Variants in MAMDC2 observed in about 807,000 individuals in gnomAD.
MAMDC2 encodes MAM domain containing 2.
MAMDC2 carries 57 observed loss-of-function variants against 89.8 expected under a neutral mutation model. The ratio of observed to expected loss-of-function variants is 0.63; its 90% CI spans 0.51 to 0.79. The LOEUF (loss-of-function observed/expected upper bound fraction) is 0.79. Among genes scored for constraint, MAMDC2 ranks in the 30% least tolerant of loss-of-function variants. The pLI is 0.00. For missense variants in MAMDC2, 800 were observed against 820.6 expected (o/e 0.97, Z 0.31); for synonymous variants, 313 against 293.4 (o/e 1.07, Z -0.68).
Position 70,108,268 on chromosome 9 carries a change from T to C in MAMDC2, c.206T>C (p.Leu69Pro). ...FGKQGEKAVL[L>P]SPDLQAEEWS... ...AAGCAGGGGGAGAAAGCTGTGCTGC[T>C]AAGTCCTGACTTACAGGCTGAGGAA... The change falls in exon 3 of 14, where the codon CTA becomes CCA. Residue 69 changes from leucine to proline, a missense_variant. By Grantham distance (98) the Leu-to-Pro change is moderately conservative. Coordinates refer to ENST00000377182, the MANE Select transcript of MAMDC2 (RefSeq NM_153267.5). 6.2e-7 allele frequency: 1 copy of C among 1,613,728 alleles called. No individual in the cohort carries two copies. Among genetic ancestry groups the C allele is most frequent in the Non-Finnish European group, 8.5e-7 (1 of 1,179,816 alleles).
At chr9:70,052,100 CACTA>C (rs897276779) in intron 2 of MAMDC2, among the ~76,000 whole-genome samples, 2 of 152,188 alleles carry the variant, frequency 1.3e-5, no homozygotes, top group African/African-American at 2.4e-5. Flanking sequence ...AAACAACACA[CACTA>C]ACAGACTCCC....
intron 13 of MAMDC2, 26 bp from the exon 14 acceptor site, chr9:70,225,942 T>C: frequency 6.7e-7 from 1 of 1,503,196 alleles, no homozygotes; most frequent in Non-Finnish European, 9.2e-7. Context: ...AAAATACTGT[T>C]ATTGTATATT....
chr9:70,067,400 A>G (rs1204214075), intron 2 of MAMDC2, among the ~76,000 whole-genome samples: 1 of 152,160 alleles, frequency 6.6e-6, no homozygotes, highest in Non-Finnish European at 1.5e-5. Flanking sequence ...AGATATTGTC[A>G]GGATACTCTT....
rs369595003 is a variant in MAMDC2 at position 70,061,924 on chromosome 9, T to C, written c.148+17227T>C. ...CAGGTGGACTAAAACCCTTGGCCTT[T>C]CCTGTTGTCCATCTGACCATGAAGA... On this transcript the variant is annotated intron_variant, in intron 2 of 13. Coordinates refer to ENST00000377182, the MANE Select transcript of MAMDC2 (RefSeq NM_153267.5). Among the ~76,000 whole-genome samples the C allele has an allele frequency of 9.2e-5, 14 of 152,322 alleles. No individual in the cohort carries two copies. In the East Asian group the frequency reaches 1.9e-3, roughly 21 times the overall value.
intron 2 of MAMDC2, among the ~76,000 whole-genome samples, chr9:70,048,967 A>T (rs1160518188): frequency 1.3e-5 from 2 of 152,234 alleles, no homozygotes; most frequent in East Asian, 3.8e-4. Context: ...CCCCTTAATT[A>T]GGAGTTTGGA....
rs185688486 is a variant in MAMDC2 at position 70,214,970 on chromosome 9, G to A, written c.1652-3367G>A. Among the ~76,000 whole-genome samples, 160 of 152,328 alleles carry A rather than the reference G, an allele frequency of 1.1e-3. 1 individual carries two copies. Among genetic ancestry groups the A allele is most frequent in the East Asian group, 3.9e-4 (2 of 5,186 alleles). The stretch of plus-strand genomic sequence containing the variant: ...GATGTCCATTAGACAGTTTGAACAA[G>A]TCTAGATTTCAGCAAAAAGGTTGAA... On this transcript the variant is annotated intron_variant, in intron 11 of 13. Coordinates refer to ENST00000377182, the MANE Select transcript of MAMDC2 (RefSeq NM_153267.5).
chr9:70,133,693 A>G (rs1587501394), intron 7 of MAMDC2, among the ~76,000 whole-genome samples: 1 of 152,344 alleles, frequency 6.6e-6, no homozygotes, highest in East Asian at 1.9e-4. Flanking sequence ...TTCCACATCT[A>G]TAGCAAAGAC....
At position 70,143,781 on chromosome 9, in the gene MAMDC2, C is replaced by T; in HGVS notation, c.1366C>T (p.Gln456Ter). The T allele has an allele frequency of 6.2e-7, 1 of 1,614,162 alleles. No individual in the cohort carries two copies. Among genetic ancestry groups the T allele is most frequent in the Non-Finnish European group, 8.5e-7 (1 of 1,180,008 alleles). The change falls in exon 9 of 14, where the codon CAA (glutamine) becomes TAA (stop). Residue 456 changes from glutamine to a stop codon, truncating the protein, a stop_gained. Transcript: ENST00000377182. LOFTEE classifies it high-confidence loss of function. ...GGAGTCCCCAAGGGGTGTTTGGATG[C>T]AAGCTGAAATCACCTTTAAGAAGCC... ...VLESPRGVWM[Q>*]AEITFKKPMP...
intron 2 of MAMDC2, among the ~76,000 whole-genome samples, chr9:70,067,929 G>T (rs1194159508): frequency 6.6e-6 from 1 of 152,164 alleles, no homozygotes; most frequent in Non-Finnish European, 1.5e-5. Flanking sequence ...AATGTGCTGA[G>T]CCATGTGATC....
At chr9:70,122,178 T>A (rs1455525083) in intron 5 of MAMDC2, among the ~76,000 whole-genome samples, 1 of 152,214 alleles carries the variant, frequency 6.6e-6, no homozygotes, top group Admixed American at 6.5e-5. Context: ...GAGCATGCGG[T>A]CTAGTCTGGT....
chr9:70,059,387 AGTTCAT>A (rs925528389), intron 2 of MAMDC2, among the ~76,000 whole-genome samples: 93 of 152,302 alleles, frequency 6.1e-4, no homozygotes, highest in Non-Finnish European at 4.3e-4. Flanking sequence ...ACATTTCCAA[AGTTCAT>A]GCTATGGGAC....
chr9:70,140,071 A>G, intron 7 of MAMDC2, 74 bp from the exon 8 acceptor site: 2 of 1,429,048 alleles, frequency 1.4e-6, no homozygotes, highest in African/African-American at 1.5e-5. Context: ...GTATATATAA[A>G]TATCTGTCAA....
At chr9:70,060,401 C>G (rs1827122354) in intron 2 of MAMDC2, among the ~76,000 whole-genome samples, 1 of 152,152 alleles carries the variant, frequency 6.6e-6, no homozygotes, top group African/African-American at 2.4e-5. Context: ...TGGAGACTTC[C>G]TGCCTAAGTG....
intron 9 of MAMDC2, among the ~76,000 whole-genome samples, chr9:70,152,712 G>A (rs2031622586): frequency 6.6e-6 from 1 of 152,046 alleles, no homozygotes; most frequent in African/African-American, 2.4e-5. Context: ...AATAACTTTG[G>A]CTCCTAGGAG....
At chr9:70,182,694 T>C (rs893021377) in intron 11 of MAMDC2, among the ~76,000 whole-genome samples, 1 of 152,184 alleles carries the variant, frequency 6.6e-6, no homozygotes, top group Admixed American at 6.5e-5. Flanking sequence ...GTAGGATCAG[T>C]TGTGATATTC....
At chr9:70,048,370 G>A (rs1826807407) in intron 2 of MAMDC2, among the ~76,000 whole-genome samples, 1 of 152,128 alleles carries the variant, frequency 6.6e-6, no homozygotes. Context: ...CGCCTCTCGG[G>A]TTCAAGTGAT....
chr9:70,166,781 G>T (rs956550078), intron 9 of MAMDC2, among the ~76,000 whole-genome samples: 1 of 152,106 alleles, frequency 6.6e-6, no homozygotes, highest in African/African-American at 2.4e-5. Context: ...TGTAGGTAAT[G>T]ATTTAGATGG....
chr9:70,160,874 A>G (rs2118490121), intron 9 of MAMDC2, among the ~76,000 whole-genome samples: 1 of 152,096 alleles, frequency 6.6e-6, no homozygotes, highest in Non-Finnish European at 1.5e-5. Context: ...AGCTTGTTGT[A>G]AACACAAGTC....
chr9:70,101,012 T>C (rs745793550), intron 2 of MAMDC2, among the ~76,000 whole-genome samples: 2 of 152,236 alleles, frequency 1.3e-5, no homozygotes, highest in Non-Finnish European at 2.9e-5. Context: ...TGATCAACGA[T>C]GGGCATATAT....
Sources: gnomAD v4.1 joint callset for allele counts (sites outside exome capture counted in the v4.1 genomes callset) on GRCh38, gnomAD v4.1.1 for gene constraint, MANE v1.5 for transcripts, NCBI Gene and HGNC (gene_info 2026-07-23, HGNC 2026-07-21) for gene names.